The following SYT1 variants were observed in gnomAD, a reference collection of about 807,000 sequenced individuals.
SYT1 encodes the protein synaptotagmin-1.
Under a neutral mutation model 44.8 loss-of-function variants are expected in SYT1, and 8 were observed. The ratio of observed to expected loss-of-function variants is 0.18; its 90% CI spans 0.10 to 0.32. The LOEUF (loss-of-function observed/expected upper bound fraction) is 0.32. Ranked by LOEUF, SYT1 falls within the 10% of genes least tolerant of loss-of-function variation. The pLI is 1.00. For missense variants in SYT1, 286 were observed against 509.3 expected, an observed-to-expected ratio of 0.56 and a Z score of 4.22; for synonymous variants, 154 against 188.8, an observed-to-expected ratio of 0.82 and a Z score of 1.51.
rs150914188 is a variant in SYT1 at position 79,420,885 on chromosome 12, G to C, written c.929-23188G>C. Reference sequence around the variant, plus strand: ...AGTTACATTGTTCCTGGTTCCCTAAGGAAAAAAAAAGTGTTCAGCTTCAGA... The same window carrying C: ...AGTTACATTGTTCCTGGTTCCCTAACGAAAAAAAAAGTGTTCAGCTTCAGA... On this transcript the variant is annotated intron_variant, in intron 9 of 10. Coordinates refer to ENST00000261205, the MANE Select transcript of SYT1 (RefSeq NM_005639.3). Among the ~76,000 whole-genome samples, 1,498 of 151,828 alleles carry C rather than the reference G, an allele frequency of 9.9e-3. 23 individuals are homozygous for C. The highest frequency in any genetic ancestry group is 0.034 in the African/African-American group (1,412 of 41,444).
intron 2 of SYT1, among the ~76,000 whole-genome samples, chr12:79,015,552 G>T (rs1565763624): frequency 6.6e-6 from 1 of 152,054 alleles, no homozygotes; most frequent in East Asian, 1.9e-4. Flanking sequence ...TAAATAGCCA[G>T]AAAAATAAAA....
Position 79,244,718 on chromosome 12 carries a change from A to G in SYT1, c.166+27033A>G, listed in dbSNP as rs867285775. On this transcript the variant is annotated intron_variant, in intron 4 of 10. Transcript: ENST00000261205. ...GACCCTGTCTCAAAAAAAGAAGAAAAAAAAAAAAAAAGCTAAAGTGCTCCA... is the reference window on the plus strand; with the variant it reads ...GACCCTGTCTCAAAAAAAGAAGAAAGAAAAAAAAAAAGCTAAAGTGCTCCA... Among the ~76,000 whole-genome samples, 1,196 of 151,932 alleles carry G rather than the reference A, an allele frequency of 7.9e-3. 12 individuals carry two copies. Among genetic ancestry groups the G allele is most frequent in the African/African-American group, 0.026 (1,068 of 41,388 alleles).
At chr12:78,897,415 GT>G (rs1313746755) in intron 1 of SYT1, among the ~76,000 whole-genome samples, 1 of 151,764 alleles carries the variant, frequency 6.6e-6, no homozygotes, top group African/African-American at 2.4e-5. Flanking sequence ...GTTTTGTTTT[GT>G]TTTGTTTAAC....
chr12:79,200,093 G>T (rs143820484), intron 3 of SYT1, among the ~76,000 whole-genome samples: 25 of 152,114 alleles, frequency 1.6e-4, no homozygotes, highest in African/African-American at 5.8e-4. Flanking sequence ...TACTGAAATG[G>T]TAGAATAGAA....
At chr12:79,064,990 A>AAG (rs1223422401) in intron 3 of SYT1, among the ~76,000 whole-genome samples, 6 of 142,970 alleles carry the variant, frequency 4.2e-5, no homozygotes, top group Admixed American at 7.0e-5. Context: ...GAAAGAAAGA[A>AAG]AGAAAGAAAA....
chr12:78,870,754 G>A (rs913914203), intron 1 of SYT1, among the ~76,000 whole-genome samples: 29 of 152,016 alleles, frequency 1.9e-4, no homozygotes, highest in Non-Finnish European at 8.8e-5. Flanking sequence ...GCTCATTTCC[G>A]CTGGGCCATC....
intron 8 of SYT1, among the ~76,000 whole-genome samples, chr12:79,311,696 T>G (rs1880803941): frequency 7.2e-6 from 1 of 139,582 alleles, no homozygotes; most frequent in African/African-American, 2.7e-5. Context: ...CCATAAAAAA[T>G]GATGAGTTCA....
intron 9 of SYT1, among the ~76,000 whole-genome samples, chr12:79,416,833 A>G (rs1443668918): frequency 6.6e-6 from 1 of 152,200 alleles, no homozygotes; most frequent in Non-Finnish European, 1.5e-5. Flanking sequence ...AAGAAGATAT[A>G]AAAGGTACAA....
intron 9 of SYT1, among the ~76,000 whole-genome samples, chr12:79,438,960 G>A (rs568949177): frequency 6.6e-6 from 1 of 152,262 alleles, no homozygotes; most frequent in Admixed American, 6.5e-5. Context: ...TTTTCTCAGA[G>A]TAGAAAGGAG....
intron 9 of SYT1, among the ~76,000 whole-genome samples, chr12:79,367,002 T>C (rs931235306): frequency 1.3e-5 from 2 of 151,622 alleles, no homozygotes; most frequent in Admixed American, 1.3e-4. Flanking sequence ...GGCTAACTTA[T>C]GTTGGCATCC....
intron 2 of SYT1, among the ~76,000 whole-genome samples, chr12:79,037,828 A>C (rs1310796472): frequency 6.6e-6 from 1 of 151,766 alleles, no homozygotes; most frequent in Non-Finnish European, 1.5e-5. Context: ...TTCACTACCT[A>C]ATACTCTTTA....
rs370545393 is a variant in SYT1 at position 78,913,818 on chromosome 12, A to G, written c.-217+48709A>G. Among the ~76,000 whole-genome samples the G allele has an allele frequency of 3.3e-5, 5 of 152,056 alleles. 1 individual carries two copies. In the South Asian group the frequency reaches 1.0e-3, roughly 31 times the overall value. ...GATGGTGAACAAATCAACCTTATGT[A>G]TCACTAGTCACATACATGGGGATAT... On this transcript the variant is annotated intron_variant, in intron 1 of 10. Transcript: ENST00000261205.
intron 2 of SYT1, among the ~76,000 whole-genome samples, chr12:78,983,716 C>G (rs888585533): frequency 2.6e-5 from 4 of 151,926 alleles, no homozygotes; most frequent in Non-Finnish European, 5.9e-5. Context: ...GATGATGGTT[C>G]AAGAAGAACT....
At chr12:79,125,638 A>G (rs1868392908) in intron 3 of SYT1, among the ~76,000 whole-genome samples, 1 of 148,198 alleles carries the variant, frequency 6.7e-6, no homozygotes. Context: ...AGAAAAAAAG[A>G]AAAAAAAAGA....
chr12:78,936,552 G>A (rs1878070948), intron 1 of SYT1, among the ~76,000 whole-genome samples: 1 of 151,870 alleles, frequency 6.6e-6, no homozygotes, highest in African/African-American at 2.4e-5. Context: ...ATAATTAGGA[G>A]GTAAGATTAA....
chr12:79,355,336 T>C (rs761034589), intron 9 of SYT1, among the ~76,000 whole-genome samples: 1 of 152,184 alleles, frequency 6.6e-6, no homozygotes, highest in Non-Finnish European at 1.5e-5. Context: ...GTGAAATGAA[T>C]AAGGAAAGGC....
intron 7 of SYT1, among the ~76,000 whole-genome samples, chr12:79,297,214 T>C (rs1197574264): frequency 6.6e-6 from 1 of 152,166 alleles, no homozygotes; most frequent in Non-Finnish European, 1.5e-5. Context: ...GTCCCTCATG[T>C]ATTGTCAGTA....
Position 79,021,940 on chromosome 12 carries a change from T to TCATAGCCA in SYT1, c.-83-25356_-83-25349dup, listed in dbSNP as rs200469127. Among the ~76,000 whole-genome samples the TCATAGCCA allele has an allele frequency of 4.0e-3, 603 of 151,914 alleles. 14 individuals carry two copies. The highest frequency in any genetic ancestry group is 0.033 in the Admixed American group (494 of 15,194). ...ATCTTCAAATCTATTATTTTTGTCT[T>TCATAGCCA]CATAGCCATTCTGTAAGTTAGCTAT... On this transcript the variant is annotated intron_variant, in intron 2 of 10. Coordinates refer to ENST00000261205, the MANE Select transcript of SYT1 (RefSeq NM_005639.3).
chr12:79,039,854 T>G (rs1234473863), intron 2 of SYT1, among the ~76,000 whole-genome samples: 1,901 of 141,148 alleles, frequency 0.013, 38 homozygotes, highest in African/African-American at 0.042. Context: ...TTCCCACCTA[T>G]GAGTGAGAAT....
Sources: allele counts gnomAD v4.1 joint callset (sites outside exome capture counted in the v4.1 genomes callset), GRCh38; gene constraint gnomAD v4.1.1; transcripts MANE v1.5; gene names NCBI Gene and HGNC (gene_info 2026-07-23, HGNC 2026-07-21).